The following NAA40 variants were observed in gnomAD, a reference collection of about 807,000 sequenced individuals.
The protein encoded by NAA40 is N-alpha-acetyltransferase 40.
A neutral mutation model predicts 36.6 loss-of-function variants in NAA40; 26 were observed. That is an observed-to-expected ratio of 0.71 (90% CI 0.52 to 0.98). The LOEUF (loss-of-function observed/expected upper bound fraction) is 0.98. Among genes scored for constraint, NAA40 ranks in the 50% least tolerant of loss-of-function variants. The pLI, the probability that NAA40 is intolerant of heterozygous loss-of-function variation, is 0.00. For synonymous variants in NAA40, 129 were observed against 108.4 expected, an observed-to-expected ratio of 1.19 and a Z score of -1.18; for missense variants, 237 against 306.5, an observed-to-expected ratio of 0.77 and a Z score of 1.69.
rs563128723 is a variant in NAA40, at chr11:63,940,190, A to G, written c.6+1088A>G. On this transcript the variant is annotated intron_variant, in intron 1 of 7. Coordinates refer to ENST00000377793, the MANE Select transcript of NAA40 (RefSeq NM_024771.4). ...CTCAGCCTCCCCAGCAGCTGGGATT[A>G]CAGGCGCCCGCTACTATGCCCGGCT... Among the ~76,000 whole-genome samples the G allele has an allele frequency of 1.1e-4, 17 of 151,702 alleles. No homozygotes were observed. In the East Asian group the frequency reaches 2.5e-3, roughly 23 times the overall value.
chr11:63,946,523 C>CA (rs1192153157), intron 2 of NAA40: 122 of 1,143,182 alleles, frequency 1.1e-4, no homozygotes, highest in Non-Finnish European at 1.2e-4. Context: ...CATTTAGTAT[C>CA]CCATTTTTTG....
rs1942313378 is a variant in NAA40, at chr11:63,953,419, A to G, written c.495-553A>G. Among the ~76,000 whole-genome samples, 6 of 152,298 alleles carry G rather than the reference A, an allele frequency of 3.9e-5. 1 individual carries two copies. In the South Asian group the frequency reaches 1.2e-3, roughly 32 times the overall value. On this transcript the variant is annotated intron_variant, in intron 6 of 7. Coordinates refer to ENST00000377793, the MANE Select transcript of NAA40 (RefSeq NM_024771.4). Reference sequence around the variant, plus strand: ...AATGGTGCTACAGAGAGGAAGTGGGAAACATCCTTGCTCTGGAAGAAGCCA... The same window carrying G: ...AATGGTGCTACAGAGAGGAAGTGGGGAACATCCTTGCTCTGGAAGAAGCCA...
At chr11:63,952,885 G>T in intron 6 of NAA40, 46 bp downstream of exon 6, 1 of 1,545,172 alleles carries the variant, frequency 6.5e-7, no homozygotes, top group Non-Finnish European at 8.9e-7. Context: ...TCAGTTGGAA[G>T]GAGCTGTCAC....
At chr11:63,946,050 C>T in intron 2 of NAA40, 115 bp downstream of exon 2, 1 of 871,236 alleles carries the variant, frequency 1.1e-6, no homozygotes, top group South Asian at 1.5e-5. Flanking sequence ...CCCACACCGC[C>T]TCTGCCTCCT....
At chr11:63,951,382 T>C (rs1373766662) in intron 3 of NAA40, among the ~76,000 whole-genome samples, 2 of 152,134 alleles carry the variant, frequency 1.3e-5, no homozygotes, top group Non-Finnish European at 2.9e-5. Flanking sequence ...TCGCTCTCAC[T>C]GCCCAGGCTG....
Position 63,952,335 on chromosome 11 carries a change from T to G in NAA40, c.251+2T>G, listed in dbSNP as rs1185417172. ...GACCAAAACGAATATGCAAACCATG[T>G]AAGCTTGTCCCAACCAGGGGAGCCT... On this transcript the variant is annotated splice_donor_variant, in intron 4 of 7. Coordinates refer to ENST00000377793, the MANE Select transcript of NAA40 (RefSeq NM_024771.4). LOFTEE classifies it high-confidence loss of function. 1.2e-6 allele frequency: 2 copies of G among 1,613,920 alleles called. No individual in the cohort carries two copies. The highest frequency in any genetic ancestry group is 1.7e-5 in the Admixed American group (1 of 60,008).
intron 3 of NAA40, among the ~76,000 whole-genome samples, chr11:63,951,424 A>G (rs1050370183): frequency 2.0e-5 from 3 of 151,614 alleles, no homozygotes; most frequent in African/African-American, 7.3e-5. Context: ...GCTCACTGCA[A>G]CCTCCGCCTC....
At chr11:63,941,535 T>C (rs1942108846) in intron 1 of NAA40, among the ~76,000 whole-genome samples, 1 of 152,096 alleles carries the variant, frequency 6.6e-6, no homozygotes, top group Non-Finnish European at 1.5e-5. Context: ...TCCTCCCATC[T>C]GGATGTTTCT....
intron 2 of NAA40, 143 bp from the exon 3 acceptor site, chr11:63,946,808 T>A: frequency 6.4e-7 from 1 of 1,560,368 alleles, no homozygotes; most frequent in South Asian, 1.2e-5. Flanking sequence ...AATGGTGGGT[T>A]TTGGGAGGCT....
In NAA40 at chr11:63,946,931, T is replaced by C; in HGVS notation, c.103-20T>C. 1 of 1,613,950 alleles carries C rather than the reference T, an allele frequency of 6.2e-7. No homozygotes were observed. Among genetic ancestry groups the C allele is most frequent in the South Asian group, 1.1e-5 (1 of 91,072 alleles). ...CCGCCCCACTTGTCTGTGCTGTTCC[T>C]CTTTTCTTTCCCTCCACAGCTTGGA... On this transcript the variant is annotated intron_variant, in intron 2 of 7. Transcript: ENST00000377793.
In NAA40 at chr11:63,955,657, G is replaced by C. The variant is rs1238177245; in HGVS notation, c.*1178G>C. ...GGCTGCAGCAGAAATGCCTCTCAGTGGCCAACAGTTGCTTTTCTCTCTGGT... is the reference window on the plus strand; with the variant it reads ...GGCTGCAGCAGAAATGCCTCTCAGTCGCCAACAGTTGCTTTTCTCTCTGGT... On this transcript the variant is annotated 3_prime_UTR_variant, in exon 8 of 8. Transcript: ENST00000377793. 6.6e-6 allele frequency: 1 copy of C among 152,532 alleles called. No homozygotes were observed. Among genetic ancestry groups the C allele is most frequent in the Non-Finnish European group, 1.5e-5 (1 of 68,094 alleles). The allele number at this position is 152,532 out of a possible 1,614,324, so 9.4% of individuals were successfully genotyped here.
intron 1 of NAA40, among the ~76,000 whole-genome samples, chr11:63,941,900 G>A (rs80313264): frequency 0.01 from 1,598 of 152,220 alleles, 20 homozygotes; most frequent in Middle Eastern, 0.041. Flanking sequence ...TCCAGTCGTA[G>A]AACTGTGTGT....
At chr11:63,951,850 A>G (rs1409110636) in intron 3 of NAA40, among the ~76,000 whole-genome samples, 1 of 152,246 alleles carries the variant, frequency 6.6e-6, no homozygotes, top group Non-Finnish European at 1.5e-5. Flanking sequence ...AGCAACAGGA[A>G]AAATGCCTAA....
chr11:63,946,116 G>C (rs1942182276), intron 2 of NAA40, 181 bp downstream of exon 2: 1 of 598,552 alleles, frequency 1.7e-6, no homozygotes, highest in South Asian at 2.1e-5. Context: ...GCCAGCAGTT[G>C]GCCCAGGTGT....
rs375999877 is a variant in NAA40 at position 63,952,382 on chromosome 11, G to A, written c.252-25G>A. The A allele has an allele frequency of 1.7e-5, 28 of 1,613,248 alleles. No individual in the cohort carries two copies. In the Admixed American group the frequency reaches 2.7e-4, roughly 15 times the overall value. On this transcript the variant is annotated intron_variant, in intron 4 of 7. Coordinates refer to ENST00000377793, the MANE Select transcript of NAA40 (RefSeq NM_024771.4). Reference sequence around the variant, plus strand: ...GCCTAGTTCCTCTCGCAGCTTTCCCGTCTGACTGCTCCCAAATTCCCCAGG... The same window carrying A: ...GCCTAGTTCCTCTCGCAGCTTTCCCATCTGACTGCTCCCAAATTCCCCAGG...
Position 63,952,858 on chromosome 11 carries a change from G to A in NAA40, c.494+19G>A. On this transcript the variant is annotated intron_variant, in intron 6 of 7. Transcript: ENST00000377793. ...CCAACAGGTAAGGCCTCCCTTCTTA[G>A]GAGGCCCATATAGCACTCAGTTGGA... The A allele has an allele frequency of 1.9e-6, 3 of 1,609,930 alleles. No individual in the cohort carries two copies. The highest frequency in any genetic ancestry group is 2.6e-6 in the Non-Finnish European group (3 of 1,176,422).
At chr11:63,951,342 G>T (rs954525970) in intron 3 of NAA40, among the ~76,000 whole-genome samples, 2 of 151,378 alleles carry the variant, frequency 1.3e-5, no homozygotes, top group African/African-American at 2.4e-5. Context: ...GCTTCACCCG[G>T]TTTTTTTTTG....
chr11:63,945,753 A>T, intron 1 of NAA40, 87 bp from the exon 2 acceptor site: 2 of 1,158,522 alleles, frequency 1.7e-6, no homozygotes, highest in South Asian at 1.2e-5. Context: ...AGGCCTGTGG[A>T]TGCAGGGCCC....
In NAA40 at chr11:63,939,032, A is replaced by AGCCGCCGCTGTTGCAGCCG; in HGVS notation, c.-65_-64insGCCGCCGCTGTTGCAGCCG. 6.5e-7 allele frequency: 1 copy of AGCCGCCGCTGTTGCAGCCG among 1,530,686 alleles called. No homozygotes were observed. The allele number at this position is 1,530,686 out of a possible 1,614,324, so 94.8% of individuals were successfully genotyped here. ...CTCTGCTGCCGCCGCTGTTGCAGCCACCGCCGTTGCCGCCTCCCTGCCGGC... is the reference window on the plus strand; with the variant it reads ...CTCTGCTGCCGCCGCTGTTGCAGCCAGCCGCCGCTGTTGCAGCCGCCGCCGTTGCCGCCTCCCTGCCGGC... On this transcript the variant is annotated 5_prime_UTR_variant, in exon 1 of 8. Transcript: ENST00000377793.
Sources: allele counts gnomAD v4.1 joint callset (sites outside exome capture counted in the v4.1 genomes callset), GRCh38; gene constraint gnomAD v4.1.1; transcripts MANE v1.5; gene names NCBI Gene and HGNC (gene_info 2026-07-23, HGNC 2026-07-21).